Variants in ARMH4 observed in about 807,000 individuals in gnomAD.
ARMH4 encodes the protein armadillo-like helical domain-containing protein 4.
A neutral mutation model predicts 61.9 loss-of-function variants in ARMH4; 49 were observed. The observed-to-expected ratio is 0.79, with a 90% CI of 0.63 to 1.00. The LOEUF is 1.00. Ranked by LOEUF, ARMH4 falls within the 50% of genes least tolerant of loss-of-function variation. ARMH4 has a pLI of 0.00. For synonymous variants in ARMH4, 368 were observed against 341.5 expected (o/e 1.08, Z -0.85); for missense variants, 934 against 930.0 (o/e 1.00, Z -0.06).
At chr14:58,095,039 T>C (rs1485341453) in intron 5 of ARMH4, among the ~76,000 whole-genome samples, 1 of 152,224 alleles carries the variant, frequency 6.6e-6, no homozygotes, top group African/African-American at 2.4e-5. Context: ...ATGATCATTT[T>C]AGCCTTGATT....
intron 5 of ARMH4, among the ~76,000 whole-genome samples, chr14:58,044,791 A>T (rs1883871230): frequency 6.6e-6 from 1 of 152,386 alleles, no homozygotes; most frequent in South Asian, 2.1e-4. Context: ...CCCATCAAAA[A>T]GTGGGAGAAG....
At chr14:58,013,761 C>T (rs1378809937) in intron 5 of ARMH4, among the ~76,000 whole-genome samples, 6 of 152,060 alleles carry the variant, frequency 3.9e-5, no homozygotes, top group Non-Finnish European at 5.9e-5. Flanking sequence ...TCATTGGGGC[C>T]GAGCACGGTG....
Position 58,057,495 on chromosome 14 carries a change from A to C in ARMH4, c.2089+39229T>G, listed in dbSNP as rs901989262. Among the ~76,000 whole-genome samples the C allele has an allele frequency of 2.0e-5, 3 of 152,158 alleles. No homozygotes were observed. The East Asian group carries it at 5.8e-4, about 29-fold the overall frequency. ...CTAGTTAGTGTTGAGTAGAATTCAA[A>C]CCTAGGTGTTACTAGCTCAAAAGGT... On this transcript the variant is annotated intron_variant, in intron 5 of 7. Transcript: ENST00000267485.
chr14:58,103,603 T>TC (rs1886074537), intron 4 of ARMH4, among the ~76,000 whole-genome samples: 1 of 151,632 alleles, frequency 6.6e-6, no homozygotes, highest in African/African-American at 2.4e-5. Flanking sequence ...ACTATATTTT[T>TC]TTTTGGATGT....
At chr14:58,109,231 T>C (rs963923195) in intron 4 of ARMH4, among the ~76,000 whole-genome samples, 2 of 152,360 alleles carry the variant, frequency 1.3e-5, no homozygotes, top group South Asian at 2.1e-4. Flanking sequence ...TATTGTGAGG[T>C]CAGAAAAATA....
chr14:58,138,365 C>A lies in ARMH4; in HGVS notation c.994G>T (p.Asp332Tyr). ...GTTCTCACCTGAGTCTCTTCATTGT[C>A]TCCAAGCTTGGGGGTCCTTATCCGG... ...VSRIRTPKLGDNEETQVRTEM... is the reference protein window; with the variant it reads ...VSRIRTPKLGYNEETQVRTEM... Residue 332 changes from aspartate (D) to tyrosine (Y), a missense_variant, in exon 2 of 8, where the codon GAC (aspartate) becomes TAC (tyrosine). Transcript: ENST00000267485. 1.9e-6 allele frequency: 3 copies of A among 1,614,234 alleles called. No individual in the cohort carries two copies. The highest frequency in any genetic ancestry group is 2.5e-6 in the Non-Finnish European group (3 of 1,180,038).
At chr14:58,017,904 T>A (rs928213347) in intron 5 of ARMH4, among the ~76,000 whole-genome samples, 1 of 151,782 alleles carries the variant, frequency 6.6e-6, no homozygotes. Context: ...CAAAACAGCA[T>A]GGCATTGGCA....
chr14:58,038,549 T>C (rs981447973), intron 5 of ARMH4, among the ~76,000 whole-genome samples: 1 of 100,180 alleles, frequency 1.0e-5, no homozygotes, highest in African/African-American at 3.5e-5. Context: ...ATTTAAAGTA[T>C]AATAAAAAAA....
chr14:58,113,159 T>C (rs1485496363), intron 4 of ARMH4, among the ~76,000 whole-genome samples: 2 of 152,164 alleles, frequency 1.3e-5, no homozygotes, highest in Admixed American at 6.6e-5. Flanking sequence ...GTAAGCACTA[T>C]TCTGACTTCT....
intron 3 of ARMH4, among the ~76,000 whole-genome samples, chr14:58,132,829 C>T (rs923903793): frequency 6.6e-6 from 1 of 152,082 alleles, no homozygotes; most frequent in Non-Finnish European, 1.5e-5. Flanking sequence ...TCGTGATCCA[C>T]CCGCCTCAGC....
At chr14:58,044,938 T>C (rs138084921) in intron 5 of ARMH4, among the ~76,000 whole-genome samples, 76,019 of 151,886 alleles carry the variant, frequency 0.5, 19,181 homozygotes, top group East Asian at 0.68. Flanking sequence ...GTTAGAATGG[T>C]GATCATTAAA....
intron 4 of ARMH4, among the ~76,000 whole-genome samples, chr14:58,121,590 C>A (rs1043116725): frequency 2.6e-5 from 4 of 152,202 alleles, no homozygotes; most frequent in African/African-American, 9.7e-5. Context: ...GCATTATTAG[C>A]AAACGTGATG....
At chr14:58,067,722 G>C (rs1329207732) in intron 5 of ARMH4, among the ~76,000 whole-genome samples, 2 of 152,096 alleles carry the variant, frequency 1.3e-5, no homozygotes, top group African/African-American at 4.8e-5. Flanking sequence ...TTCATAGCCA[G>C]AATAAACAAA....
chr14:58,066,486 A>G (rs1221477092), intron 5 of ARMH4, among the ~76,000 whole-genome samples: 1 of 152,222 alleles, frequency 6.6e-6, no homozygotes. Context: ...AGATGGATAG[A>G]GGTAATGATT....
intron 5 of ARMH4, among the ~76,000 whole-genome samples, chr14:58,093,336 G>A (rs937462148): frequency 5.3e-5 from 8 of 152,066 alleles, no homozygotes; most frequent in African/African-American, 1.9e-4. Flanking sequence ...TGGGACTACA[G>A]GCACATACCA....
chr14:58,093,920 A>G (rs958556264), intron 5 of ARMH4, among the ~76,000 whole-genome samples: 7 of 152,220 alleles, frequency 4.6e-5, no homozygotes, highest in African/African-American at 1.4e-4. Flanking sequence ...AGTAAGAGAC[A>G]CCTAGAGAAA....
At chr14:58,077,649 G>A (rs1379648183) in intron 5 of ARMH4, among the ~76,000 whole-genome samples, 2 of 152,062 alleles carry the variant, frequency 1.3e-5, no homozygotes, top group African/African-American at 4.8e-5. Flanking sequence ...TGCACTGGCT[G>A]GCAAGAACAC....
chr14:58,075,757 A>C (rs1044067259), intron 5 of ARMH4, among the ~76,000 whole-genome samples: 3 of 152,192 alleles, frequency 2.0e-5, no homozygotes, highest in Non-Finnish European at 2.9e-5. Context: ...TATAATAAAA[A>C]TTTGGTGATG....
intron 4 of ARMH4, among the ~76,000 whole-genome samples, chr14:58,125,805 T>C (rs76673802): frequency 1.4e-4 from 21 of 152,156 alleles, no homozygotes; most frequent in Non-Finnish European, 2.5e-4. Flanking sequence ...GGTTTTCCTG[T>C]TGAGAGCGGG....
Sources: gnomAD v4.1 joint callset for allele counts (sites outside exome capture counted in the v4.1 genomes callset) on GRCh38, gnomAD v4.1.1 for gene constraint, MANE v1.5 for transcripts, NCBI Gene and HGNC (gene_info 2026-07-23, HGNC 2026-07-21) for gene names.